Variants in DNAJC24 observed in about 807,000 individuals in gnomAD.
The protein encoded by DNAJC24 is DnaJ heat shock protein family (Hsp40) member C24.
Under a neutral mutation model 18.0 loss-of-function variants are expected in DNAJC24, and 17 were observed. The observed-to-expected ratio is 0.94, with a 90% CI of 0.65 to 1.42. The LOEUF (loss-of-function observed/expected upper bound fraction) is 1.42, where lower values mean the gene tolerates loss of function less well. Among genes scored for constraint, DNAJC24 ranks in the 40% most tolerant of loss-of-function variants. The probability of loss-of-function intolerance (pLI) is 0.00; values close to 1 mark genes in which losing one functional copy is unlikely to be tolerated. For synonymous variants in DNAJC24, 55 were observed against 57.7 expected, an observed-to-expected ratio of 0.95 and a Z score of 0.21; for missense variants, 158 against 175.6, an observed-to-expected ratio of 0.90 and a Z score of 0.57.
chr11:31,396,267 C>G (rs1455635673), intron 2 of DNAJC24: 2 of 454,500 alleles, frequency 4.4e-6, no homozygotes, highest in South Asian at 1.6e-5. Flanking sequence ...GACCACTGCT[C>G]TATTTTCTTT....
chr11:31,370,616 T>C (rs1034643455), intron 1 of DNAJC24, 100 bp from the exon 2 acceptor site: 2 of 523,396 alleles, frequency 3.8e-6, no homozygotes, highest in African/African-American at 2.0e-5. Context: ...ATAATCATGA[T>C]TTACTCGACT....
At chr11:31,424,488 A>AT (rs1377835695) in intron 3 of DNAJC24, among the ~76,000 whole-genome samples, 5 of 152,150 alleles carry the variant, frequency 3.3e-5, no homozygotes, top group African/African-American at 1.2e-4. Flanking sequence ...TTTTAGAAGA[A>AT]TTTTTTAAAA....
chr11:31,404,629 AGAAAT>A lies in DNAJC24; in HGVS notation c.112-10179_112-10175del, dbSNP rs1222254766. Among the ~76,000 whole-genome samples the A allele has an allele frequency of 9.8e-5, 15 of 152,336 alleles. No individual in the cohort carries two copies. The East Asian group carries it at 2.9e-3, about 29-fold the overall frequency. On this transcript the variant is annotated intron_variant, in intron 2 of 4. Transcript: ENST00000465995. ...ATTTTATTTCACAACAGATGTCTGA[AGAAAT>A]GAGTTTTTATTATCTTTAGAGGTAA...
At chr11:31,429,992 A>AT in intron 4 of DNAJC24, 1 of 235,856 alleles carries the variant, frequency 4.2e-6, no homozygotes, top group Non-Finnish European at 8.1e-6. Context: ...AATAAGTTTC[A>AT]TGGGTTACTT....
At chr11:31,413,295 A>G (rs1298192413) in intron 2 of DNAJC24, among the ~76,000 whole-genome samples, 1 of 150,950 alleles carries the variant, frequency 6.6e-6, no homozygotes, top group Non-Finnish European at 1.5e-5. Context: ...AAAATATAAA[A>G]CTGTCAAAGT....
At position 31,414,875 on chromosome 11, in the gene DNAJC24, T is replaced by C. The variant is rs1474400772; in HGVS notation, c.176T>C (p.Phe59Ser). Residue 59 changes from phenylalanine (F) to serine (S), a missense_variant, in exon 3 of 5, where the codon TTC (phenylalanine) becomes TCC (serine). Transcript: ENST00000465995. Reference sequence around the variant, plus strand: ...ACAGTGGAGGAATGTGTACAGAAGTTCATCGAAATTGATCAAGCATGGAAA... The same window carrying C: ...ACAGTGGAGGAATGTGTACAGAAGTCCATCGAAATTGATCAAGCATGGAAA... Reference protein sequence around the residue: ...AGTVEECVQKFIEIDQAWKIL... With the variant: ...AGTVEECVQKSIEIDQAWKIL... 1 of 1,614,020 alleles carries C rather than the reference T, an allele frequency of 6.2e-7. No individual in the cohort carries two copies. The highest frequency in any genetic ancestry group is 2.2e-5 in the East Asian group (1 of 44,866).
At chr11:31,406,401 T>C (rs1382807309) in intron 2 of DNAJC24, among the ~76,000 whole-genome samples, 1 of 152,216 alleles carries the variant, frequency 6.6e-6, no homozygotes, top group East Asian at 1.9e-4. Context: ...GGGGAAAATA[T>C]TAAACACACA....
At chr11:31,386,446 G>GC (rs930146338) in intron 2 of DNAJC24, among the ~76,000 whole-genome samples, 7 of 136,560 alleles carry the variant, frequency 5.1e-5, no homozygotes, top group Non-Finnish European at 9.7e-5. Flanking sequence ...GAGTCCTGAG[G>GC]CCCCCCATTC....
intron 2 of DNAJC24, among the ~76,000 whole-genome samples, chr11:31,393,339 G>C (rs1952516467): frequency 6.6e-6 from 1 of 152,262 alleles, no homozygotes; most frequent in East Asian, 1.9e-4. Flanking sequence ...TAAGGACGTG[G>C]GGTATGGCAA....
rs571344820 is a variant in DNAJC24, at chr11:31,389,710, A to G, written c.111+18851A>G. Reference sequence around the variant, plus strand: ...TTCATCTAACAGCTGCAGAATAAATATTCTTCTCATCAGCACATGTATCAT... The same window carrying G: ...TTCATCTAACAGCTGCAGAATAAATGTTCTTCTCATCAGCACATGTATCAT... On this transcript the variant is annotated intron_variant, in intron 2 of 4. Coordinates refer to ENST00000465995, the MANE Select transcript of DNAJC24 (RefSeq NM_181706.5). 1.7e-4 allele frequency among the ~76,000 whole-genome samples: 26 copies of G among 152,350 alleles called. 1 individual carries two copies. In the South Asian group the frequency reaches 5.0e-3, roughly 29 times the overall value.
intron 2 of DNAJC24, among the ~76,000 whole-genome samples, chr11:31,412,731 A>AAG (rs1300169655): frequency 9.2e-5 from 14 of 152,178 alleles, no homozygotes; most frequent in African/African-American, 3.4e-4. Flanking sequence ...ATTTCATAGG[A>AAG]AGGGAGGTAG....
chr11:31,376,956 A>C (rs1389021447), intron 2 of DNAJC24, among the ~76,000 whole-genome samples: 1 of 152,134 alleles, frequency 6.6e-6, no homozygotes, highest in Non-Finnish European at 1.5e-5. Context: ...AGGGAAAAGC[A>C]TATTATTTAT....
intron 2 of DNAJC24, among the ~76,000 whole-genome samples, chr11:31,382,746 T>C (rs544925154): frequency 6.6e-6 from 1 of 152,316 alleles, no homozygotes; most frequent in African/African-American, 2.4e-5. Context: ...AGTTCTCCAG[T>C]GGACACCAAT....
chr11:31,426,218 T>G, intron 3 of DNAJC24, 69 bp from the exon 4 acceptor site: 1 of 1,048,518 alleles, frequency 9.5e-7, no homozygotes, highest in Non-Finnish European at 1.4e-6. Flanking sequence ...GTTGCCTTTT[T>G]AGCATTCTTC....
intron 2 of DNAJC24, chr11:31,408,042 C>T (rs1184792990): frequency 6.6e-5 from 30 of 452,822 alleles, no homozygotes; most frequent in South Asian, 2.7e-4. Context: ...GATTAGTGAA[C>T]GAAAGGTATC....
intron 3 of DNAJC24, among the ~76,000 whole-genome samples, chr11:31,422,813 A>G (rs1404993499): frequency 6.6e-6 from 1 of 152,036 alleles, no homozygotes; most frequent in Non-Finnish European, 1.5e-5. Context: ...AAACACATTG[A>G]TTTGTTTGTG....
intron 3 of DNAJC24, among the ~76,000 whole-genome samples, chr11:31,426,036 C>A (rs1246669437): frequency 6.6e-6 from 1 of 152,124 alleles, no homozygotes; most frequent in Non-Finnish European, 1.5e-5. Flanking sequence ...CATGCCTTTC[C>A]ATGTTGCATG....
chr11:31,419,427 A>G (rs1319071617), intron 3 of DNAJC24, among the ~76,000 whole-genome samples: 2 of 152,090 alleles, frequency 1.3e-5, no homozygotes, highest in Non-Finnish European at 2.9e-5. Flanking sequence ...ACTTGTTGCA[A>G]GATGACTACT....
chr11:31,406,220 T>G (rs1274166439), intron 2 of DNAJC24, among the ~76,000 whole-genome samples: 4 of 152,220 alleles, frequency 2.6e-5, no homozygotes, highest in Non-Finnish European at 5.9e-5. Context: ...CATTTTCATA[T>G]CATTTTTTCA....
Sources: allele counts gnomAD v4.1 joint callset (sites outside exome capture counted in the v4.1 genomes callset), GRCh38; gene constraint gnomAD v4.1.1; transcripts MANE v1.5; gene names NCBI Gene and HGNC (gene_info 2026-07-23, HGNC 2026-07-21).